The following KCNH1 variants were observed in gnomAD, a reference collection of about 807,000 sequenced individuals.
KCNH1 encodes potassium voltage-gated channel subfamily H member 1.
KCNH1 carries 27 observed loss-of-function variants against 69.2 expected under a neutral mutation model. The observed-to-expected ratio is 0.39, with a 90% confidence interval of 0.29 to 0.54. The LOEUF (loss-of-function observed/expected upper bound fraction) is 0.54. KCNH1 is among the 20% of genes least tolerant of loss of function. The probability of loss-of-function intolerance (pLI) is 0.68; values close to 1 mark genes in which losing one functional copy is unlikely to be tolerated. For missense variants in KCNH1, 798 were observed against 1,261.6 expected (o/e 0.63, Z 5.57); for synonymous variants, 456 against 487.7 (o/e 0.93, Z 0.86).
intron 9 of KCNH1, 68 bp downstream of exon 9, chr1:210,797,440 G>A (rs931372399): frequency 1.6e-5 from 25 of 1,549,654 alleles, no homozygotes; most frequent in Non-Finnish European, 2.1e-5. Context: ...GGTGGCAGTG[G>A]CATTGAGCTG....
intron 6 of KCNH1, among the ~76,000 whole-genome samples, chr1:210,924,238 G>A (rs143649319): frequency 6.6e-6 from 1 of 152,350 alleles, no homozygotes; most frequent in African/African-American, 2.4e-5. Context: ...CACCTAGTTT[G>A]TAGTAACATG....
intron 7 of KCNH1, among the ~76,000 whole-genome samples, chr1:210,862,454 G>C (rs1685999915): frequency 6.6e-6 from 1 of 152,156 alleles, no homozygotes. Context: ...TCCCACCTCA[G>C]CCTCCCAAGT....
Position 210,867,687 on chromosome 1 carries a change from C to T in KCNH1, c.1462+51953G>A, listed in dbSNP as rs147457406. 3.6e-3 allele frequency among the ~76,000 whole-genome samples: 547 copies of T among 152,106 alleles called. 4 individuals are homozygous for T. The highest frequency in any genetic ancestry group is 0.013 in the African/African-American group (527 of 41,530). On this transcript the variant is annotated intron_variant, in intron 7 of 10. Coordinates refer to ENST00000271751, the MANE Select transcript of KCNH1 (RefSeq NM_172362.3). ...TGCCCCTCTGTCTCAAAATGCCCAA[C>T]CCTAGGCAACAATTGATCTACTTTA...
At chr1:210,984,508 C>T (rs190902117) in intron 6 of KCNH1, among the ~76,000 whole-genome samples, 197 of 152,264 alleles carry the variant, frequency 1.3e-3, no homozygotes, top group African/African-American at 4.5e-3. Context: ...TGTCAAAGGT[C>T]TTTTCTGCAT....
At chr1:210,956,947 T>C (rs905843540) in intron 6 of KCNH1, among the ~76,000 whole-genome samples, 1 of 152,184 alleles carries the variant, frequency 6.6e-6, no homozygotes, top group Non-Finnish European at 1.5e-5. Context: ...ATTTCTTGCC[T>C]TCTGCTAACT....
intron 7 of KCNH1, among the ~76,000 whole-genome samples, chr1:210,822,951 G>A (rs1684959445): frequency 6.6e-6 from 1 of 152,146 alleles, no homozygotes; most frequent in Non-Finnish European, 1.5e-5. Context: ...CGGGGTGGGA[G>A]GGTAGCTTTT....
chr1:211,104,162 G>A lies in KCNH1; in HGVS notation c.204-560C>T, dbSNP rs538587562. 2.5e-3 allele frequency among the ~76,000 whole-genome samples: 385 copies of A among 152,144 alleles called. 3 individuals carry two copies. Among genetic ancestry groups the A allele is most frequent in the African/African-American group, 9.0e-3 (373 of 41,508 alleles). On this transcript the variant is annotated intron_variant, in intron 2 of 10. Transcript: ENST00000271751. ...AATTTGCAACAGATAATATAGAGAAGTAAACAGAGGCAAGATCATGGAGGA... is the reference window on the plus strand; with the variant it reads ...AATTTGCAACAGATAATATAGAGAAATAAACAGAGGCAAGATCATGGAGGA...
chr1:210,904,558 G>A (rs1687059362), intron 7 of KCNH1, among the ~76,000 whole-genome samples: 1 of 152,204 alleles, frequency 6.6e-6, no homozygotes, highest in South Asian at 2.1e-4. Flanking sequence ...TGGAGCCCAG[G>A]CTGCACGGAG....
chr1:210,977,946 A>T (rs115586900), intron 6 of KCNH1, among the ~76,000 whole-genome samples: 16 of 152,174 alleles, frequency 1.1e-4, no homozygotes, highest in African/African-American at 3.4e-4. Context: ...CTATTTGATG[A>T]ATTTATTTCA....
chr1:210,680,955 G>A lies in KCNH1; in HGVS notation c.*2326C>T, dbSNP rs1681249723. The A allele has an allele frequency of 6.6e-6, 1 of 152,212 alleles. No individual in the cohort carries two copies. The highest frequency in any genetic ancestry group is 2.4e-5 in the African/African-American group (1 of 41,434). 9.4% of individuals were successfully genotyped at this position (152,212 alleles called of 1,614,324 possible). A position where few individuals can be genotyped will look rare whatever the true frequency, so the allele number is the denominator to read the frequency against. ...ATTTCACGGACATCCGTCTCCCTCA[G>A]GCAGAGCTGGAGGGAAATGGCAGGG... On this transcript the variant is annotated 3_prime_UTR_variant, in exon 11 of 11. Coordinates refer to ENST00000271751, the MANE Select transcript of KCNH1 (RefSeq NM_172362.3).
intron 7 of KCNH1, among the ~76,000 whole-genome samples, chr1:210,822,260 C>G (rs1230108492): frequency 6.6e-6 from 1 of 151,944 alleles, no homozygotes; most frequent in African/African-American, 2.4e-5. Flanking sequence ...AGAAGGCAGA[C>G]TCTCAAGCAA....
rs146017809 is a variant in KCNH1, at chr1:211,126,090, C to T, written c.79+7777G>A. On this transcript the variant is annotated intron_variant, in intron 1 of 10. Coordinates refer to ENST00000271751, the MANE Select transcript of KCNH1 (RefSeq NM_172362.3). ...CAGCAAGACCACACTTGCAGCAGGG[C>T]GCAGTGGCTCACGCCTGTAATCCCA... Among the ~76,000 whole-genome samples, 114 of 152,312 alleles carry T rather than the reference C, an allele frequency of 7.5e-4. 3 individuals are homozygous for T. In the East Asian group the frequency reaches 0.019, roughly 25 times the overall value.
chr1:211,114,414 G>A (rs1048510825), intron 1 of KCNH1, among the ~76,000 whole-genome samples: 3 of 152,162 alleles, frequency 2.0e-5, no homozygotes, highest in East Asian at 3.8e-4. Context: ...AGTAAGATGG[G>A]AGGGAATGGC....
chr1:210,735,266 G>A (rs1682847420), intron 10 of KCNH1, among the ~76,000 whole-genome samples: 1 of 152,102 alleles, frequency 6.6e-6, no homozygotes, highest in South Asian at 2.1e-4. Context: ...TACACCCCAG[G>A]CATCACCTTT....
intron 7 of KCNH1, among the ~76,000 whole-genome samples, chr1:210,832,165 CCT>C (rs1341013039): frequency 1.3e-5 from 2 of 152,110 alleles, no homozygotes; most frequent in Non-Finnish European, 2.9e-5. Context: ...GCAATCAGTT[CCT>C]CTCTGAATAT....
intron 6 of KCNH1, among the ~76,000 whole-genome samples, chr1:210,975,832 A>C (rs547210026): frequency 3.5e-4 from 54 of 152,356 alleles, no homozygotes; most frequent in African/African-American, 1.1e-3. Flanking sequence ...AATGGGAGAA[A>C]ATTTTTGCAG....
At chr1:210,784,178 C>T (rs1271737471) in intron 9 of KCNH1, among the ~76,000 whole-genome samples, 1 of 152,196 alleles carries the variant, frequency 6.6e-6, no homozygotes, top group Non-Finnish European at 1.5e-5. Context: ...TGAAGTCCAG[C>T]CTTTCAAGTT....
chr1:210,764,254 A>G (rs980553225), intron 10 of KCNH1, among the ~76,000 whole-genome samples: 14 of 152,192 alleles, frequency 9.2e-5, no homozygotes, highest in Non-Finnish European at 1.8e-4. Context: ...AATACCTCAA[A>G]CTATAAAAAT....
At chr1:211,036,114 C>G (rs893929179) in intron 5 of KCNH1, among the ~76,000 whole-genome samples, 1 of 152,192 alleles carries the variant, frequency 6.6e-6, no homozygotes, top group African/African-American at 2.4e-5. Context: ...AAATCCATCT[C>G]CCTGACCAAC....
Sources: gnomAD v4.1 joint callset for allele counts (sites outside exome capture counted in the v4.1 genomes callset) on GRCh38, gnomAD v4.1.1 for gene constraint, MANE v1.5 for transcripts, NCBI Gene and HGNC (gene_info 2026-07-23, HGNC 2026-07-21) for gene names.